Variants in DSE observed in about 807,000 individuals in gnomAD.
DSE encodes the protein dermatan sulfate epimerase.
DSE carries 36 observed loss-of-function variants against 84.4 expected under a neutral mutation model. That is an observed-to-expected ratio of 0.43 (90% CI 0.33 to 0.56). The LOEUF (loss-of-function observed/expected upper bound fraction) is 0.56. Among genes scored for constraint, DSE ranks in the 20% least tolerant of loss-of-function variants. The pLI is 0.06. For synonymous variants in DSE, 410 were observed against 430.1 expected (o/e 0.95, Z 0.58); for missense variants, 862 against 1,169.6 (o/e 0.74, Z 3.84).
intron 2 of DSE, among the ~76,000 whole-genome samples, chr6:116,351,577 A>AT (rs766020287): frequency 1.3e-5 from 2 of 152,094 alleles, no homozygotes; most frequent in Admixed American, 1.3e-4. Context: ...AATAACTATT[A>AT]TTTTTACCTC....
In DSE at chr6:116,442,947, G is replaced by A. The variant is rs1168676167; in HGVS notation, c.*5602G>A. ...CTGATATGCCCCCCATATTCCATAT[G>A]TTTACTCCCTGGGGTGAGGTGGGGC... is the stretch of plus-strand genomic sequence containing the variant. On this transcript the variant is annotated 3_prime_UTR_variant, in exon 6 of 6. Coordinates refer to ENST00000644252, the MANE Select transcript of DSE (RefSeq NM_013352.4). The A allele has an allele frequency of 6.6e-6, 1 of 152,118 alleles. No individual in the cohort carries two copies. Among genetic ancestry groups the A allele is most frequent in the Non-Finnish European group, 1.5e-5 (1 of 68,030 alleles). 9.4% of individuals were successfully genotyped at this position (152,118 alleles called of 1,614,324 possible).
At chr6:116,312,073 T>C (rs973010282) in intron 2 of DSE, among the ~76,000 whole-genome samples, 2 of 152,164 alleles carry the variant, frequency 1.3e-5, no homozygotes, top group African/African-American at 4.8e-5. Flanking sequence ...AAAAACTCAG[T>C]GTTAGGACCT....
intron 2 of DSE, among the ~76,000 whole-genome samples, chr6:116,319,489 T>G (rs1215846744): frequency 2.0e-5 from 3 of 152,186 alleles, no homozygotes; most frequent in Non-Finnish European, 2.9e-5. Flanking sequence ...TACATTCCAT[T>G]GACCAAAGCA....
chr6:116,259,091 G>A lies in DSE; in HGVS notation c.-54+124G>A, dbSNP rs574433474. The A allele has an allele frequency of 1.4e-5, 22 of 1,543,624 alleles. No homozygotes were observed. The East Asian group carries it at 4.1e-4, about 29-fold the overall frequency. ...ATGTCTGGGGTCTCTGCCACTGCTGGTGCTGCTGTCTCCCACTCAGTCATC... is the reference window on the plus strand; with the variant it reads ...ATGTCTGGGGTCTCTGCCACTGCTGATGCTGCTGTCTCCCACTCAGTCATC... On this transcript the variant is annotated intron_variant, in intron 2 of 3. Transcript: ENST00000430252.
exon 1 of DSE, chr6:116,254,220 T>C: frequency 1.4e-6 from 1 of 714,324 alleles, no homozygotes. Flanking sequence ...CTTTGTCTTC[T>C]TGTCACAAAA....
At chr6:116,309,640 T>C (rs1775557609) in intron 2 of DSE, among the ~76,000 whole-genome samples, 1 of 152,250 alleles carries the variant, frequency 6.6e-6, no homozygotes, top group Non-Finnish European at 1.5e-5. Flanking sequence ...TTCTAACAGT[T>C]CTGAAGGCTG....
intron 2 of DSE, among the ~76,000 whole-genome samples, chr6:116,328,705 A>T (rs1026395884): frequency 1.3e-5 from 2 of 152,232 alleles, no homozygotes; most frequent in African/African-American, 4.8e-5. Flanking sequence ...CCAGAAATAA[A>T]TCAACAAACC....
intron 2 of DSE, chr6:116,279,331 A>G (rs1207511408): frequency 1.2e-6 from 2 of 1,610,646 alleles, no homozygotes; most frequent in African/African-American, 2.7e-5. Context: ...CCTCTCAGCC[A>G]CGGCTGCTGA....
At chr6:116,393,882 A>G (rs560580162) in intron 1 of DSE, among the ~76,000 whole-genome samples, 1 of 152,318 alleles carries the variant, frequency 6.6e-6, no homozygotes, top group Non-Finnish European at 1.5e-5. Context: ...CATTTGTTTC[A>G]TTCTATAAAC....
upstream of DSE, chr6:116,367,195 C>T (rs1369632985): frequency 6.6e-6 from 1 of 152,228 alleles, no homozygotes; most frequent in African/African-American, 2.4e-5. Context: ...GAAGGGAAAG[C>T]TCAGGAGATT....
chr6:116,316,682 A>G (rs955753464), intron 2 of DSE, among the ~76,000 whole-genome samples: 2 of 152,056 alleles, frequency 1.3e-5, no homozygotes, highest in Non-Finnish European at 2.9e-5. Flanking sequence ...GCTAGTCCAG[A>G]AAGATTGGTA....
chr6:116,426,867 G>A, intron 3 of DSE, 40 bp downstream of exon 3: 4 of 1,575,178 alleles, frequency 2.5e-6, no homozygotes, highest in Non-Finnish European at 3.5e-6. Context: ...TGAGCTGACG[G>A]AAGTCATAGT....
intron 2 of DSE, among the ~76,000 whole-genome samples, chr6:116,349,077 C>A (rs1244443624): frequency 6.6e-6 from 1 of 152,004 alleles, no homozygotes; most frequent in Non-Finnish European, 1.5e-5. Flanking sequence ...TGTAACAAAC[C>A]TGCACGTTGT....
At position 116,315,846 on chromosome 6, in the gene DSE, A is replaced by G. The variant is rs553140960; in HGVS notation, c.-54+56879A>G. Among the ~76,000 whole-genome samples, 16 of 152,268 alleles carry G rather than the reference A, an allele frequency of 1.1e-4. No individual in the cohort carries two copies. The South Asian group carries it at 3.3e-3, about 32-fold the overall frequency. ...GAAACCCCATCTATACTAAAAATAC[A>G]AAAATTAGTGATGCATGCCTGTAAT... is the stretch of plus-strand genomic sequence containing the variant. On this transcript the variant is annotated intron_variant, in intron 2 of 3. Coordinates refer to the DSE transcript ENST00000430252.
intron 2 of DSE, among the ~76,000 whole-genome samples, chr6:116,329,077 G>A (rs755217895): frequency 4.6e-5 from 7 of 152,152 alleles, no homozygotes; most frequent in Admixed American, 1.3e-4. Flanking sequence ...AACAACTGCT[G>A]CAGTTGCTGA....
intron 2 of DSE, among the ~76,000 whole-genome samples, chr6:116,274,983 T>C (rs1166175974): frequency 6.6e-6 from 1 of 152,166 alleles, no homozygotes; most frequent in Non-Finnish European, 1.5e-5. Flanking sequence ...AATGGCAAAA[T>C]GAGGATAATT....
chr6:116,426,856 C>T, intron 3 of DSE, 29 bp downstream of exon 3: 1 of 1,585,102 alleles, frequency 6.3e-7, no homozygotes, highest in Non-Finnish European at 8.6e-7. Context: ...AAGGTGATGC[C>T]TGAGCTGACG....
At chr6:116,293,890 T>G (rs1774475552) in intron 2 of DSE, among the ~76,000 whole-genome samples, 1 of 151,634 alleles carries the variant, frequency 6.6e-6, no homozygotes, top group Admixed American at 6.6e-5. Context: ...CAAAAAGAAA[T>G]AAAAAGAGCT....
chr6:116,336,186 A>G (rs1006400698), intron 2 of DSE, among the ~76,000 whole-genome samples: 85 of 152,354 alleles, frequency 5.6e-4, no homozygotes, highest in African/African-American at 2.0e-3. Flanking sequence ...TAAAATATAT[A>G]TCTTGCAGTA....
Sources: allele counts gnomAD v4.1 joint callset (sites outside exome capture counted in the v4.1 genomes callset), GRCh38; gene constraint gnomAD v4.1.1; transcripts MANE v1.5; gene names NCBI Gene and HGNC (gene_info 2026-07-23, HGNC 2026-07-21).